The following PITPNM2 variants were observed in gnomAD, a reference collection of about 807,000 sequenced individuals.
PITPNM2 encodes phosphatidylinositol transfer protein membrane associated 2.
PITPNM2 carries 35 observed loss-of-function variants against 132.2 expected under a neutral mutation model. That is an observed-to-expected ratio of 0.26 (90% CI 0.20 to 0.35). The LOEUF is 0.35. PITPNM2 is among the 10% of genes least tolerant of loss of function. The pLI, the probability that PITPNM2 is intolerant of heterozygous loss-of-function variation, is 1.00. For missense variants in PITPNM2, 1,332 were observed against 1,912.0 expected (o/e 0.70, Z 5.66); for synonymous variants, 738 against 799.2 (o/e 0.92, Z 1.29).
At chr12:123,067,550 A>G (rs2041468247) in intron 2 of PITPNM2, among the ~76,000 whole-genome samples, 1 of 152,216 alleles carries the variant, frequency 6.6e-6, no homozygotes, top group Admixed American at 6.5e-5. Context: ...GGCCATGTGA[A>G]GGCAGAGGCA....
chr12:123,023,019 G>A lies in PITPNM2; in HGVS notation c.79-8977C>T, dbSNP rs2039727796. ...CACAGGGGCATGACTCTGTCTCCTG[G>A]CTGGGCCAGCAGCTTCTCCTGCCCA... On this transcript the variant is annotated intron_variant, in intron 3 of 25. Transcript: ENST00000320201. This position sits in a 1 kb window ranked among gnomAD's most constrained non-coding sequence, Gnocchi z 4.8. Among the ~76,000 whole-genome samples the A allele has an allele frequency of 6.6e-6, 1 of 152,220 alleles. No homozygotes were observed. Among genetic ancestry groups the A allele is most frequent in the Non-Finnish European group, 1.5e-5 (1 of 68,038 alleles).
At chr12:122,995,275 G>A (rs1566234605) in intron 14 of PITPNM2, 114 bp downstream of exon 14, 1 of 1,426,916 alleles carries the variant, frequency 7.0e-7, no homozygotes, top group Non-Finnish European at 9.3e-7. Context: ...TCAGGCTGGG[G>A]GAACCTCAGG....
chr12:122,983,768 T>G lies in PITPNM2; in HGVS notation c.*2259A>C, dbSNP rs1465349579. On this transcript the variant is annotated 3_prime_UTR_variant, in exon 26 of 26. Transcript: ENST00000320201. ...GAAGGCAGGTGGTGGGGCGTGGGGG[T>G]GTGGTGGGAGTGGGACTAAGGCTTC... The G allele has an allele frequency of 6.8e-6, 1 of 146,292 alleles. No individual in the cohort carries two copies. The highest frequency in any genetic ancestry group is 2.6e-5 in the African/African-American group (1 of 38,918). 9.1% of individuals were successfully genotyped at this position (146,292 alleles called of 1,614,324 possible).
In PITPNM2 at chr12:122,994,732, G is replaced by T; in HGVS notation, c.2233+69C>A. 2 of 1,488,406 alleles carry T rather than the reference G, an allele frequency of 1.3e-6. No homozygotes were observed. Among genetic ancestry groups the T allele is most frequent in the Non-Finnish European group, 1.8e-6 (2 of 1,110,178 alleles). 92.2% of individuals were successfully genotyped at this position (1,488,406 alleles called of 1,614,324 possible). On this transcript the variant is annotated intron_variant, in intron 15 of 25. Transcript: ENST00000320201. The surrounding 1 kb of genome is among the most constrained non-coding windows in gnomAD (Gnocchi z 5.4). ...GACGTGGCCATGATCTCATCACAGG[G>T]GTCCACTGAGACCCCCGCCCCCGCA...
At chr12:123,018,030 TCCTTCCTC>T (rs199661295) in intron 3 of PITPNM2, among the ~76,000 whole-genome samples, 1,479 of 124,874 alleles carry the variant, frequency 0.012, 33 homozygotes, top group African/African-American at 0.051. Flanking sequence ...CTTCCTTCCT[TCCTTCCTC>T]CCTCCCTCCC....
intron 2 of PITPNM2, among the ~76,000 whole-genome samples, chr12:123,079,855 C>G (rs1311311874): frequency 2.6e-5 from 4 of 152,136 alleles, no homozygotes; most frequent in African/African-American, 4.8e-5. Flanking sequence ...CAATGTTGTG[C>G]AACCACCACC....
intron 3 of PITPNM2, among the ~76,000 whole-genome samples, chr12:123,021,049 AAAAAAAG>A (rs2039652708): frequency 6.6e-6 from 1 of 151,070 alleles, no homozygotes; most frequent in Admixed American, 6.6e-5. Context: ...AAAAAAAAAA[AAAAAAAG>A]AAAGTGATTA....
At chr12:123,112,434 G>C (rs987363292) in intron 1 of PITPNM2, among the ~76,000 whole-genome samples, 1 of 152,150 alleles carries the variant, frequency 6.6e-6, no homozygotes. Context: ...CACAGTCCTG[G>C]AGGGGAGCAG....
chr12:123,063,941 A>T (rs2041330243), intron 2 of PITPNM2, among the ~76,000 whole-genome samples: 2 of 151,918 alleles, frequency 1.3e-5, no homozygotes, highest in Non-Finnish European at 2.9e-5. Flanking sequence ...TAAGGGGAAT[A>T]AATTAACAGA....
chr12:123,086,656 G>A (rs904768744), intron 2 of PITPNM2, among the ~76,000 whole-genome samples: 1 of 152,186 alleles, frequency 6.6e-6, no homozygotes, highest in Non-Finnish European at 1.5e-5. Flanking sequence ...AGAGGTTAGT[G>A]ACTTGCCCCA....
At chr12:123,069,464 C>T (rs537018285) in intron 2 of PITPNM2, among the ~76,000 whole-genome samples, 5 of 152,166 alleles carry the variant, frequency 3.3e-5, no homozygotes, top group South Asian at 2.1e-4. Flanking sequence ...CTGCAGGCCA[C>T]GCAGCAAAGA....
chr12:123,143,795 A>C (rs1261682345), intron 1 of PITPNM2, among the ~76,000 whole-genome samples: 1 of 152,246 alleles, frequency 6.6e-6, no homozygotes, highest in East Asian at 1.9e-4. Flanking sequence ...AAGCTACAGC[A>C]GGGCTGAGGG....
At chr12:123,067,018 A>G (rs1592987154) in intron 2 of PITPNM2, among the ~76,000 whole-genome samples, 1 of 152,176 alleles carries the variant, frequency 6.6e-6, no homozygotes, top group Non-Finnish European at 1.5e-5. Flanking sequence ...CCAAATTCAC[A>G]TCTAACTAGA....
chr12:123,009,990 T>C lies in PITPNM2; in HGVS notation c.503A>G (p.Gln168Arg). ...DPKLFQSTKT[Q>R]RGPLSENWIE... is the part of the protein sequence containing the mutation. ...CCAGTTCTCGGACAGGGGCCCCCGCTGGGTCTTGGTTGACTGGAACAGCTT... is the reference window on the plus strand; with the variant it reads ...CCAGTTCTCGGACAGGGGCCCCCGCCGGGTCTTGGTTGACTGGAACAGCTT... The change falls in exon 6 of 26, where the codon CAG (glutamine) becomes CGG (arginine). Residue 168 changes from glutamine to arginine, a missense_variant. Around this residue, in one of 6 missense-constraint regions of PITPNM2, gnomAD observed 122 missense variants for 209.6 expected, o/e 0.58. Coordinates refer to ENST00000320201, the MANE Select transcript of PITPNM2 (RefSeq NM_020845.3). This position sits in a 1 kb window ranked among gnomAD's most constrained non-coding sequence, Gnocchi z 4.8. 1.9e-6 allele frequency: 3 copies of C among 1,614,204 alleles called. No homozygotes were observed. Among genetic ancestry groups the C allele is most frequent in the Non-Finnish European group, 2.5e-6 (3 of 1,180,034 alleles).
At chr12:123,050,210 G>A (rs1431074292) in intron 2 of PITPNM2, among the ~76,000 whole-genome samples, 3 of 152,186 alleles carry the variant, frequency 2.0e-5, no homozygotes, top group Admixed American at 2.0e-4. Context: ...GGCAGGTTTG[G>A]GAGAGACAAG....
At chr12:123,024,088 T>TA (rs958439915) in intron 3 of PITPNM2, among the ~76,000 whole-genome samples, 21 of 152,024 alleles carry the variant, frequency 1.4e-4, no homozygotes, top group African/African-American at 4.6e-4. Flanking sequence ...ACCCCATCTC[T>TA]AAAAAAATAG....
At chr12:122,996,402 G>C (rs1271240414) in intron 13 of PITPNM2, 56 bp downstream of exon 13, 2 of 1,601,064 alleles carry the variant, frequency 1.2e-6, no homozygotes, top group African/African-American at 1.3e-5. Flanking sequence ...CAGCCACCCT[G>C]GGGGCGTGCA....
At position 123,014,179 on chromosome 12, in the gene PITPNM2, C is replaced by A. The variant is rs1269578423; in HGVS notation, c.79-137G>T. 1.8e-5 allele frequency: 15 copies of A among 844,212 alleles called. No individual in the cohort carries two copies. In the East Asian group the frequency reaches 4.0e-4, roughly 22 times the overall value. The allele number at this position is 844,212 out of a possible 1,614,324, so 52.3% of individuals were successfully genotyped here. A position where few individuals can be genotyped will look rare whatever the true frequency, so the allele number is the denominator to read the frequency against. On this transcript the variant is annotated intron_variant, in intron 3 of 25. Coordinates refer to ENST00000320201, the MANE Select transcript of PITPNM2 (RefSeq NM_020845.3). ...AACGAGGCTGGCTCCTCCTGTGTCA[C>A]TTCCAGGCCCCCAAATCTATATGCC...
intron 2 of PITPNM2, among the ~76,000 whole-genome samples, chr12:123,048,929 T>C (rs1376833337): frequency 1.3e-5 from 2 of 151,348 alleles, no homozygotes; most frequent in East Asian, 1.9e-4. Flanking sequence ...AGACCAGGAG[T>C]TTGAGACCAG....
Sources: allele counts gnomAD v4.1 joint callset (sites outside exome capture counted in the v4.1 genomes callset), GRCh38; gene constraint gnomAD v4.1.1; regional missense constraint gnomAD v4.1.1; non-coding constraint Gnocchi (gnomAD v3.1); transcripts MANE v1.5; gene names NCBI Gene and HGNC (gene_info 2026-07-23, HGNC 2026-07-21).